Variants in PCDHGA7 observed in about 807,000 individuals in gnomAD.
PCDHGA7 encodes protocadherin gamma-A7.
A neutral mutation model predicts 58.3 loss-of-function variants in PCDHGA7; 44 were observed. The observed-to-expected ratio is 0.75, with a 90% CI of 0.59 to 0.97. The LOEUF is 0.97. Ranked by LOEUF, PCDHGA7 falls within the 50% of genes least tolerant of loss-of-function variation. PCDHGA7 has a pLI of 0.00. For missense variants in PCDHGA7, 1,266 were observed against 1,188.7 expected (o/e 1.06, Z -0.96); for synonymous variants, 516 against 504.2 (o/e 1.02, Z -0.31).
At chr5:141,444,918 C>T (rs1197922745) in intron 1 of PCDHGA7, among the ~76,000 whole-genome samples, 1 of 152,106 alleles carries the variant, frequency 6.6e-6, no homozygotes, top group Non-Finnish European at 1.5e-5. Flanking sequence ...ATACCTTTAT[C>T]AGGGAAAGAG....
In PCDHGA7 at chr5:141,404,421, C is replaced by G. The variant is rs199749783; in HGVS notation, c.2424+19098C>G. On this transcript the variant is annotated intron_variant, in intron 1 of 3. Coordinates refer to ENST00000518325, the MANE Select transcript of PCDHGA7 (RefSeq NM_018920.4). ...AATGAGAATTCTAGAGTTATTTACT[C>G]CTTGGCAGAGGATACCATCCAAGGG... 462 of 1,613,692 alleles carry G rather than the reference C, an allele frequency of 2.9e-4. 1 individual carries two copies. The African/African-American group carries it at 5.5e-3, about 19-fold the overall frequency.
intron 1 of PCDHGA7, chr5:141,393,440 C>G (rs777552488): frequency 6.2e-7 from 1 of 1,614,042 alleles, no homozygotes; most frequent in Admixed American, 1.7e-5. Context: ...CTGCTCACCA[C>G]CTGGTCCTCA....
At chr5:141,469,142 G>A (rs1473440049) in intron 1 of PCDHGA7, among the ~76,000 whole-genome samples, 3 of 152,024 alleles carry the variant, frequency 2.0e-5, no homozygotes, top group East Asian at 1.9e-4. Flanking sequence ...CAGAAATGGT[G>A]GCACATGTCT....
intron 1 of PCDHGA7, chr5:141,416,068 A>G (rs940843403): frequency 1.2e-5 from 2 of 173,694 alleles, no homozygotes; most frequent in Non-Finnish European, 2.4e-5. Context: ...AGAATACTCA[A>G]TGCAGTTCTT....
chr5:141,465,759 A>G (rs2099108647), intron 1 of PCDHGA7, among the ~76,000 whole-genome samples: 2 of 151,280 alleles, frequency 1.3e-5, no homozygotes, highest in South Asian at 4.2e-4. Context: ...TGGTAAAGTC[A>G]TGTTTCATCT....
At position 141,382,797 on chromosome 5, in the gene PCDHGA7, G is replaced by A; in HGVS notation, c.-103G>A. On this transcript the variant is annotated 5_prime_UTR_variant, in exon 1 of 4. Transcript: ENST00000518325. ...CTAAACTCAAGCCTCTATCCTGCTG[G>A]ATTCTGAGCTCCCCTTCCTAAGACA... The A allele has an allele frequency of 5.0e-6, 5 of 999,472 alleles. No individual in the cohort carries two copies. Among genetic ancestry groups the A allele is most frequent in the Non-Finnish European group, 5.9e-6 (4 of 674,748 alleles). 61.9% of individuals were successfully genotyped at this position (999,472 alleles called of 1,614,324 possible).
intron 1 of PCDHGA7, among the ~76,000 whole-genome samples, chr5:141,443,789 A>G (rs1316614117): frequency 6.6e-6 from 1 of 152,234 alleles, no homozygotes; most frequent in East Asian, 1.9e-4. Context: ...GACAAAAAAA[A>G]TGAAAAGGAA....
At chr5:141,405,257 A>T (rs747554046) in intron 1 of PCDHGA7, 2 of 1,613,954 alleles carry the variant, frequency 1.2e-6, no homozygotes, top group Non-Finnish European at 1.7e-6. Flanking sequence ...GAGTCACCTG[A>T]TCTTCCCCCA....
chr5:141,424,497 A>G (rs2096824503), intron 1 of PCDHGA7: 2 of 152,174 alleles, frequency 1.3e-5, no homozygotes, highest in African/African-American at 2.4e-5. Flanking sequence ...GTTTGTATGT[A>G]TGGAAGGTTT....
intron 1 of PCDHGA7, among the ~76,000 whole-genome samples, chr5:141,484,730 G>T (rs1231473842): frequency 6.6e-6 from 1 of 151,728 alleles, no homozygotes; most frequent in Non-Finnish European, 1.5e-5. Context: ...GGGGTCAGTC[G>T]GTGTGTTAGG....
chr5:141,413,992 A>G (rs1437832303), intron 1 of PCDHGA7: 1 of 1,613,538 alleles, frequency 6.2e-7, no homozygotes, highest in Admixed American at 1.7e-5. Flanking sequence ...AGCCACCGAC[A>G]GGGACGAAGG....
At chr5:141,419,204 G>A (rs1291977951) in intron 1 of PCDHGA7, 1 of 1,613,798 alleles carries the variant, frequency 6.2e-7, no homozygotes, top group Non-Finnish European at 8.5e-7. Flanking sequence ...CAATGACAAC[G>A]CGCCGGTTTT....
intron 1 of PCDHGA7, chr5:141,418,637 T>C: frequency 6.2e-7 from 1 of 1,613,998 alleles, no homozygotes; most frequent in Non-Finnish European, 8.5e-7. Context: ...TCCAGGCACC[T>C]CCATCCTGAG....
intron 1 of PCDHGA7, among the ~76,000 whole-genome samples, chr5:141,463,839 T>C (rs1356261890): frequency 1.3e-5 from 2 of 152,240 alleles, no homozygotes; most frequent in African/African-American, 4.8e-5. Flanking sequence ...TTCCCAGTTG[T>C]TATAGTGGTA....
rs183831513 is a variant in PCDHGA7 at position 141,497,605 on chromosome 5, T to A, written c.2483+2740T>A. ...CCCAAGCTGGAGTGCAGTGGTGCGA[T>A]CTTGGCTCACTGCAACCTCTGCCTG... On this transcript the variant is annotated intron_variant, in intron 2 of 3. Coordinates refer to ENST00000518325, the MANE Select transcript of PCDHGA7 (RefSeq NM_018920.4). Among the ~76,000 whole-genome samples, 19 of 151,488 alleles carry A rather than the reference T, an allele frequency of 1.3e-4. No individual in the cohort carries two copies. In the East Asian group the frequency reaches 3.7e-3, roughly 29 times the overall value.
Position 141,403,685 on chromosome 5 carries a change from C to G in PCDHGA7, c.2424+18362C>G, listed in dbSNP as rs778849334. On this transcript the variant is annotated intron_variant, in intron 1 of 3. Coordinates refer to ENST00000518325, the MANE Select transcript of PCDHGA7 (RefSeq NM_018920.4). ...TGATAATGCCCCGGTTTTTGCTCAA[C>G]GGATTTACCGAGTTAAAGTCCTTGA... 8 of 1,613,704 alleles carry G rather than the reference C, an allele frequency of 5.0e-6. No homozygotes were observed. In the Admixed American group the frequency reaches 1.0e-4, roughly 20 times the overall value.
chr5:141,423,058 A>T (rs1235938743), intron 1 of PCDHGA7: 1 of 1,614,022 alleles, frequency 6.2e-7, no homozygotes, highest in Non-Finnish European at 8.5e-7. Context: ...TCGCCTGCTT[A>T]AGGCCAGCGA....
intron 1 of PCDHGA7, among the ~76,000 whole-genome samples, chr5:141,492,622 C>A (rs2099742615): frequency 6.6e-6 from 1 of 152,218 alleles, no homozygotes; most frequent in South Asian, 2.1e-4. Flanking sequence ...GCCGGGCGGG[C>A]AGGACTCTAC....
Position 141,476,878 on chromosome 5 carries a change from G to A in PCDHGA7, c.2425-17929G>A. 2 of 1,613,960 alleles carry A rather than the reference G, an allele frequency of 1.2e-6. No homozygotes were observed. The highest frequency in any genetic ancestry group is 1.7e-6 in the Non-Finnish European group (2 of 1,180,034). Reference sequence around the variant, plus strand: ...AGTCCTTGTACCGGGCGCGCGTCCTGGAGGATGCACCCTCCGGCACGCGCG... The same window carrying A: ...AGTCCTTGTACCGGGCGCGCGTCCTAGAGGATGCACCCTCCGGCACGCGCG... On this transcript the variant is annotated intron_variant, in intron 1 of 3. Transcript: ENST00000518325. This position sits in a 1 kb window ranked among gnomAD's most constrained non-coding sequence, Gnocchi z 7.6.
Sources: gnomAD v4.1 joint callset for allele counts (sites outside exome capture counted in the v4.1 genomes callset) on GRCh38, gnomAD v4.1.1 for gene constraint, Gnocchi (gnomAD v3.1) non-coding constraint, MANE v1.5 for transcripts, NCBI Gene and HGNC (gene_info 2026-07-23, HGNC 2026-07-21) for gene names.